DEPDC5: variants seen among roughly 807,000 people sequenced by gnomAD.
DEPDC5 encodes the protein GATOR1 complex protein DEPDC5.
Under a neutral mutation model 217.3 loss-of-function variants are expected in DEPDC5, and 73 were observed. That is an observed-to-expected ratio of 0.34 (90% confidence interval 0.28 to 0.41). DEPDC5 has a LOEUF of 0.41. Ranked by LOEUF, DEPDC5 falls within the 10% of genes least tolerant of loss-of-function variation. The pLI is 1.00. For missense variants in DEPDC5, 1,675 were observed against 2,070.1 expected, an observed-to-expected ratio of 0.81 and a Z score of 3.70; for synonymous variants, 733 against 756.7, an observed-to-expected ratio of 0.97 and a Z score of 0.51.
At chr22:31,758,114 G>A (rs183205355) in intron 2 of DEPDC5, among the ~76,000 whole-genome samples, 167 of 152,122 alleles carry the variant, frequency 1.1e-3, no homozygotes, top group Non-Finnish European at 1.7e-3. Context: ...TTATTGTGAC[G>A]GTCACATTAA....
At chr22:31,824,485 A>T (rs2148846667) in intron 24 of DEPDC5, among the ~76,000 whole-genome samples, 1 of 152,374 alleles carries the variant, frequency 6.6e-6, no homozygotes, top group African/African-American at 2.4e-5. Context: ...CTGGGTTGGC[A>T]GTAAGAGAAT....
intron 31 of DEPDC5, among the ~76,000 whole-genome samples, chr22:31,854,318 A>C (rs1490814106): frequency 1.3e-5 from 2 of 152,262 alleles, no homozygotes; most frequent in Non-Finnish European, 2.9e-5. Flanking sequence ...CGTGTGCATC[A>C]GATGACAAAT....
intron 38 of DEPDC5, among the ~76,000 whole-genome samples, chr22:31,886,619 G>T (rs1410568508): frequency 1.3e-5 from 2 of 149,610 alleles, no homozygotes; most frequent in Non-Finnish European, 3.0e-5. Flanking sequence ...AATTAGCGAG[G>T]TGTGGTGGCA....
chr22:31,786,714 C>T (rs1160920528), intron 10 of DEPDC5, among the ~76,000 whole-genome samples: 1 of 151,980 alleles, frequency 6.6e-6, no homozygotes, highest in Admixed American at 6.6e-5. Context: ...AAGGGATCCT[C>T]TTGCCTCAGC....
intron 25 of DEPDC5, among the ~76,000 whole-genome samples, chr22:31,836,611 C>T (rs896040712): frequency 1.3e-5 from 2 of 152,184 alleles, no homozygotes; most frequent in African/African-American, 4.8e-5. Context: ...GGGAGAGGCT[C>T]GTGCTTGGGC....
chr22:31,766,172 A>G (rs2082801971), intron 5 of DEPDC5, among the ~76,000 whole-genome samples: 1 of 152,250 alleles, frequency 6.6e-6, no homozygotes, highest in Non-Finnish European at 1.5e-5. Flanking sequence ...AAAACTTTCT[A>G]TTAAAATACT....
In DEPDC5 at chr22:31,844,999, G is replaced by C; in HGVS notation, c.2802-19G>C. ...CTCCTTTCTCTCACCACCACCCTGT[G>C]TTTTCCTTGCCCCCTTAGCTTAATT... On this transcript the variant is annotated intron_variant, in intron 29 of 42. Coordinates refer to ENST00000651528, the MANE Select transcript of DEPDC5 (RefSeq NM_001242896.3). 1 of 1,613,782 alleles carries C rather than the reference G, an allele frequency of 6.2e-7. No individual in the cohort carries two copies. The highest frequency in any genetic ancestry group is 8.5e-7 in the Non-Finnish European group (1 of 1,179,760).
chr22:31,796,104 T>TTC (rs2086215796), intron 12 of DEPDC5, among the ~76,000 whole-genome samples: 1 of 150,068 alleles, frequency 6.7e-6, no homozygotes, highest in Admixed American at 6.6e-5. Flanking sequence ...AGTATCTTTT[T>TTC]TTTTTTTTTT....
In DEPDC5 at chr22:31,876,214, A is replaced by C; in HGVS notation, c.3754A>C (p.Ile1252Leu). The change falls in exon 37 of 43, where the codon ATC becomes CTC. Residue 1252 changes from isoleucine (I) to leucine (L), a missense_variant. This residue lies in a region of DEPDC5 where 194 missense variants were observed against 199.3 expected (regional missense o/e 0.97). Coordinates refer to ENST00000651528, the MANE Select transcript of DEPDC5 (RefSeq NM_001242896.3). ...ATCTGGCGAAGCCTGGCGGACCTTC[A>C]TCTACGGCTTCTATTTCTACAAGAT... ...HASGEAWRTFIYGFYFYKIVT... is the reference protein window; with the variant it reads ...HASGEAWRTFLYGFYFYKIVT... 1 of 1,614,106 alleles carries C rather than the reference A, an allele frequency of 6.2e-7. No individual in the cohort carries two copies. The highest frequency in any genetic ancestry group is 8.5e-7 in the Non-Finnish European group (1 of 1,180,016).
intron 38 of DEPDC5, chr22:31,880,000 T>G: frequency 2.0e-6 from 1 of 498,900 alleles, no homozygotes; most frequent in East Asian, 3.8e-5. Flanking sequence ...CCAGACCTGT[T>G]CGGATAGGAG....
At chr22:31,842,354 T>A (rs1283938047) in intron 27 of DEPDC5, among the ~76,000 whole-genome samples, 2 of 151,986 alleles carry the variant, frequency 1.3e-5, no homozygotes, top group African/African-American at 4.8e-5. Flanking sequence ...GGCGAGTGGA[T>A]CATCTGAGGT....
rs907602694 is a variant in DEPDC5, at chr22:31,845,801, T to C, written c.3021+564T>C. ...TGTGTGTACACAGGTCTGTGAATTT[T>C]AACAAATATATAGATTCATGCAACC... On this transcript the variant is annotated intron_variant, in intron 30 of 42. Transcript: ENST00000651528. 2.6e-5 allele frequency among the ~76,000 whole-genome samples: 4 copies of C among 151,884 alleles called. No homozygotes were observed. In the East Asian group the frequency reaches 7.7e-4, roughly 29 times the overall value.
At chr22:31,849,818 T>A (rs745545473) in intron 31 of DEPDC5, among the ~76,000 whole-genome samples, 2 of 151,014 alleles carry the variant, frequency 1.3e-5, no homozygotes, top group Non-Finnish European at 2.9e-5. Flanking sequence ...AACCATCAGA[T>A]CTCATGAGAA....
chr22:31,818,997 G>T, intron 21 of DEPDC5, 25 bp from the exon 22 acceptor site: 2 of 1,613,518 alleles, frequency 1.2e-6, no homozygotes, highest in South Asian at 2.2e-5. Context: ...TTTTCTTTGT[G>T]ACTCAACTCC....
intron 2 of DEPDC5, among the ~76,000 whole-genome samples, chr22:31,756,535 G>GTA (rs1243255921): frequency 3.3e-5 from 5 of 152,202 alleles, no homozygotes; most frequent in African/African-American, 1.2e-4. Context: ...CAAGGATACA[G>GTA]TATATACAAC....
intron 14 of DEPDC5, 39 bp downstream of exon 14, chr22:31,798,695 A>G: frequency 6.3e-7 from 1 of 1,591,086 alleles, no homozygotes; most frequent in African/African-American, 1.3e-5. Context: ...CATCTTGCCT[A>G]CCACATGGCT....
At chr22:31,769,307 A>G (rs2083120342) in intron 7 of DEPDC5, 1 of 152,370 alleles carries the variant, frequency 6.6e-6, no homozygotes, top group Non-Finnish European at 1.5e-5. Flanking sequence ...AACAAACCAC[A>G]AAATGCACTA....
intron 10 of DEPDC5, among the ~76,000 whole-genome samples, chr22:31,790,783 G>T (rs1046211500): frequency 7.4e-6 from 1 of 134,670 alleles, no homozygotes; most frequent in Admixed American, 8.8e-5. Context: ...GTCTCGCTCC[G>T]TCGCCCAGGC....
At chr22:31,787,091 A>G (rs2148443979) in intron 10 of DEPDC5, among the ~76,000 whole-genome samples, 1 of 150,628 alleles carries the variant, frequency 6.6e-6, no homozygotes, top group South Asian at 2.1e-4. Context: ...AAAAAGTTTT[A>G]TAATTTTTTT....
Sources: allele counts gnomAD v4.1 joint callset (sites outside exome capture counted in the v4.1 genomes callset), GRCh38; gene constraint gnomAD v4.1.1; regional missense constraint gnomAD v4.1.1; transcripts MANE v1.5; gene names NCBI Gene and HGNC (gene_info 2026-07-23, HGNC 2026-07-21).